Variants in SPEF2 observed in about 807,000 individuals in gnomAD.
SPEF2 encodes the protein sperm flagella and cilia-associated protein 2.
A neutral mutation model predicts 224.6 loss-of-function variants in SPEF2; 187 were observed. The observed-to-expected ratio is 0.83, with a 90% CI of 0.74 to 0.94. SPEF2 has a LOEUF of 0.94. Among genes scored for constraint, SPEF2 ranks in the 40% least tolerant of loss-of-function variants. The pLI, the probability that SPEF2 is intolerant of heterozygous loss-of-function variation, is 0.00. For synonymous variants in SPEF2, 715 were observed against 707.3 expected (o/e 1.01, Z -0.17); for missense variants, 2,170 against 2,135.6 (o/e 1.02, Z -0.32).
intron 6 of SPEF2, among the ~76,000 whole-genome samples, chr5:35,651,545 G>A (rs1748186903): frequency 6.6e-6 from 1 of 152,162 alleles, no homozygotes; most frequent in Non-Finnish European, 1.5e-5. Context: ...GGAAGTGCTG[G>A]CCTAGAGCAA....
At chr5:35,662,669 A>G (rs1749909842) in intron 8 of SPEF2, among the ~76,000 whole-genome samples, 1 of 152,210 alleles carries the variant, frequency 6.6e-6, no homozygotes, top group South Asian at 2.1e-4. Context: ...TCCCAGCACC[A>G]TCTATCAAAT....
At chr5:35,627,355 A>G (rs1744412524) in intron 1 of SPEF2, among the ~76,000 whole-genome samples, 1 of 152,098 alleles carries the variant, frequency 6.6e-6, no homozygotes. Context: ...TAATCCCAGC[A>G]CTTTGGGAGG....
chr5:35,689,873 A>G (rs1754200725), intron 10 of SPEF2, among the ~76,000 whole-genome samples: 1 of 152,074 alleles, frequency 6.6e-6, no homozygotes, highest in African/African-American at 2.4e-5. Flanking sequence ...GATACTTACT[A>G]TTCTTCTCTT....
chr5:35,726,531 A>G (rs1434168938), intron 20 of SPEF2, among the ~76,000 whole-genome samples: 1 of 152,198 alleles, frequency 6.6e-6, no homozygotes, highest in Non-Finnish European at 1.5e-5. Flanking sequence ...TTTTAAATAT[A>G]TAAGTAGAGA....
intron 26 of SPEF2, among the ~76,000 whole-genome samples, chr5:35,765,238 T>G (rs1751933084): frequency 6.6e-6 from 1 of 152,230 alleles, no homozygotes; most frequent in African/African-American, 2.4e-5. Context: ...TGTCTTATTT[T>G]GCTCAACTTT....
chr5:35,664,776 G>C lies in SPEF2; in HGVS notation c.1168-2296G>C, dbSNP rs563850439. 3.4e-4 allele frequency among the ~76,000 whole-genome samples: 50 copies of C among 145,526 alleles called. 1 individual carries two copies. The East Asian group carries it at 9.2e-3, about 27-fold the overall frequency. ...AGGAAGGAAGGAGGAGAGAGAGAGA[G>C]AGAGAAAGAGGGAGGGAGAGAGAGG... On this transcript the variant is annotated intron_variant, in intron 8 of 36. Coordinates refer to ENST00000356031, the MANE Select transcript of SPEF2 (RefSeq NM_024867.4).
chr5:35,814,238 G>A (rs560089720), intron 36 of SPEF2, among the ~76,000 whole-genome samples: 10 of 152,328 alleles, frequency 6.6e-5, no homozygotes, highest in African/African-American at 2.2e-4. Flanking sequence ...ATTATTAGGT[G>A]TGGAAACTGA....
Position 35,800,148 on chromosome 5 carries a change from G to A in SPEF2, c.5010+1G>A. Reference sequence around the variant, plus strand: ...AGCTTCCATTCCAAGTGCAGAAAAGGTAATTGCATTCCAGAAATAGACTAA... The same window carrying A: ...AGCTTCCATTCCAAGTGCAGAAAAGATAATTGCATTCCAGAAATAGACTAA... On this transcript the variant is annotated splice_donor_variant, in intron 34 of 36. Transcript: ENST00000356031. LOFTEE classifies it high-confidence loss of function. 2 of 1,614,032 alleles carry A rather than the reference G, an allele frequency of 1.2e-6. No individual in the cohort carries two copies. Among genetic ancestry groups the A allele is most frequent in the Non-Finnish European group, 1.7e-6 (2 of 1,179,964 alleles).
At chr5:35,671,269 G>T in intron 10 of SPEF2, 1 of 976,240 alleles carries the variant, frequency 1.0e-6, no homozygotes, top group Non-Finnish European at 1.2e-6. Context: ...ACACTAACAA[G>T]TAAATATTAC....
chr5:35,628,862 G>C (rs537594002), intron 2 of SPEF2, among the ~76,000 whole-genome samples: 1 of 152,182 alleles, frequency 6.6e-6, no homozygotes, highest in East Asian at 1.9e-4. Flanking sequence ...AAAGTGTTGA[G>C]ATTACATGTG....
intron 15 of SPEF2, 169 bp downstream of exon 15, chr5:35,697,962 C>G (rs1380119130): frequency 6.2e-6 from 3 of 482,768 alleles, no homozygotes; most frequent in African/African-American, 2.0e-5. Context: ...ACTTACGTGC[C>G]TATATTCCGC....
intron 25 of SPEF2, among the ~76,000 whole-genome samples, chr5:35,760,938 T>C (rs1334723675): frequency 6.6e-6 from 1 of 152,094 alleles, no homozygotes; most frequent in Non-Finnish European, 1.5e-5. Context: ...ATTAAAACAA[T>C]CCTTTTTAAT....
rs1478163658 is a variant in SPEF2 at position 35,806,708 on chromosome 5, C to T, written c.5012C>T (p.Thr1671Ile). 6.2e-7 allele frequency: 1 copy of T among 1,611,792 alleles called. No individual in the cohort carries two copies. Among genetic ancestry groups the T allele is most frequent in the Non-Finnish European group, 8.5e-7 (1 of 1,179,380 alleles). Residue 1671 changes from threonine (T) to isoleucine (I), a missense_variant and splice_region_variant, in exon 35 of 37, where the codon ACC becomes ATC. By Grantham distance (89) the Thr-to-Ile change is moderately conservative. Transcript: ENST00000356031. Reference protein sequence around the residue: ...VKASIPSAEKTSSTDAGPAEE... With the variant: ...VKASIPSAEKISSTDAGPAEE... ...TGTTCTCTTCATTTAACTTTGCAGA[C>T]CTCCTCAACTGATGCAGGTCCAGCT...
intron 20 of SPEF2, among the ~76,000 whole-genome samples, chr5:35,725,424 A>AAACAACAAC (rs560382919): frequency 6.6e-6 from 1 of 152,018 alleles, no homozygotes; most frequent in Admixed American, 6.6e-5. Flanking sequence ...TCTTAAAAGA[A>AAACAACAAC]AACAACAACA....
intron 19 of SPEF2, 107 bp from the exon 20 acceptor site, chr5:35,712,705 A>G (rs1741410936): frequency 9.2e-7 from 1 of 1,082,752 alleles, no homozygotes; most frequent in Non-Finnish European, 1.4e-6. Context: ...GCAGTTCACA[A>G]ATGTAACTGT....
At chr5:35,810,680 A>G (rs966591876) in intron 36 of SPEF2, among the ~76,000 whole-genome samples, 3 of 152,136 alleles carry the variant, frequency 2.0e-5, no homozygotes, top group African/African-American at 7.2e-5. Context: ...GATCTCCAAA[A>G]CCACCTCTGC....
At chr5:35,755,350 A>C (rs1750282167) in intron 24 of SPEF2, among the ~76,000 whole-genome samples, 1 of 152,240 alleles carries the variant, frequency 6.6e-6, no homozygotes, top group African/African-American at 2.4e-5. Context: ...TGGCAGAAAT[A>C]GCTGAAAACC....
At chr5:35,715,806 G>A (rs1742438703) in intron 20 of SPEF2, among the ~76,000 whole-genome samples, 1 of 97,194 alleles carries the variant, frequency 1.0e-5, no homozygotes, top group Admixed American at 1.3e-4. Flanking sequence ...GAAATAGGGG[G>A]ATATAATTTC....
chr5:35,618,280 A>G (rs1742953351), intron 1 of SPEF2, among the ~76,000 whole-genome samples: 1 of 151,712 alleles, frequency 6.6e-6, no homozygotes. Context: ...AGGCCTTGTC[A>G]CGTCCCCACT....
Sources: gnomAD v4.1 joint callset for allele counts (sites outside exome capture counted in the v4.1 genomes callset) on GRCh38, gnomAD v4.1.1 for gene constraint, MANE v1.5 for transcripts, NCBI Gene and HGNC (gene_info 2026-07-23, HGNC 2026-07-21) for gene names.